The following EPHA6 variants were observed in gnomAD, a reference collection of about 807,000 sequenced individuals.
EPHA6 encodes ephrin type-A receptor 6.
A neutral mutation model predicts 112.0 loss-of-function variants in EPHA6; 50 were observed. The ratio of observed to expected loss-of-function variants is 0.45; its 90% CI spans 0.36 to 0.56. The LOEUF (loss-of-function observed/expected upper bound fraction) is 0.56, where lower values mean the gene tolerates loss of function less well. Among genes scored for constraint, EPHA6 ranks in the 20% least tolerant of loss-of-function variants. The pLI is 0.00. For missense variants in EPHA6, 1,280 were observed against 1,417.4 expected (o/e 0.90, Z 1.56); for synonymous variants, 529 against 490.7 (o/e 1.08, Z -1.03).
chr3:97,183,921 T>TA (rs1315372399), intron 3 of EPHA6, among the ~76,000 whole-genome samples: 1 of 152,152 alleles, frequency 6.6e-6, no homozygotes, highest in African/African-American at 2.4e-5. Flanking sequence ...AGTTCTGTGT[T>TA]ACACTTTAAA....
intron 1 of EPHA6, among the ~76,000 whole-genome samples, chr3:96,862,995 T>C (rs942569778): frequency 2.6e-5 from 4 of 152,016 alleles, no homozygotes; most frequent in Non-Finnish European, 5.9e-5. Flanking sequence ...GAAAATTGTA[T>C]GCAGTTACAC....
At chr3:97,682,568 T>G (rs535627931) in intron 14 of EPHA6, among the ~76,000 whole-genome samples, 1 of 152,268 alleles carries the variant, frequency 6.6e-6, no homozygotes, top group Non-Finnish European at 1.5e-5. Flanking sequence ...TAGACTATGA[T>G]CCCTCATTGC....
At chr3:97,602,620 T>G (rs781229014) in intron 12 of EPHA6, among the ~76,000 whole-genome samples, 4 of 152,060 alleles carry the variant, frequency 2.6e-5, no homozygotes, top group Non-Finnish European at 4.4e-5. Flanking sequence ...ATCAGTAACC[T>G]TACCTGTTAA....
chr3:97,130,492 G>A (rs2048308963), intron 3 of EPHA6, among the ~76,000 whole-genome samples: 1 of 151,846 alleles, frequency 6.6e-6, no homozygotes, highest in Admixed American at 6.6e-5. Context: ...AATATTTCTA[G>A]TTGACACATT....
At chr3:97,383,754 G>A (rs1215327360) in intron 5 of EPHA6, among the ~76,000 whole-genome samples, 1 of 152,116 alleles carries the variant, frequency 6.6e-6, no homozygotes, top group African/African-American at 2.4e-5. Context: ...CACATAGGAA[G>A]TAAAGTAGAA....
intron 6 of EPHA6, among the ~76,000 whole-genome samples, chr3:97,439,136 A>G (rs977641513): frequency 1.3e-5 from 2 of 152,152 alleles, no homozygotes; most frequent in East Asian, 3.9e-4. Flanking sequence ...AATGCATTAA[A>G]TATTCATTTT....
At chr3:97,393,044 T>G (rs1009339701) in intron 5 of EPHA6, among the ~76,000 whole-genome samples, 2 of 151,882 alleles carry the variant, frequency 1.3e-5, no homozygotes, top group African/African-American at 2.4e-5. Context: ...TTCTTGATTT[T>G]AATATAAACA....
intron 11 of EPHA6, among the ~76,000 whole-genome samples, chr3:97,565,846 G>A (rs540393795): frequency 1.1e-4 from 17 of 151,682 alleles, no homozygotes; most frequent in South Asian, 1.0e-3. Context: ...GTGAAACCCC[G>A]TCTCTACTAA....
chr3:97,026,361 A>G (rs2044637907), intron 3 of EPHA6, among the ~76,000 whole-genome samples: 1 of 152,162 alleles, frequency 6.6e-6, no homozygotes, highest in Admixed American at 6.5e-5. Context: ...TGCTTTGGGC[A>G]ATATGGCCGT....
intron 10 of EPHA6, among the ~76,000 whole-genome samples, chr3:97,486,251 T>C (rs1310414155): frequency 1.3e-5 from 2 of 152,230 alleles, no homozygotes; most frequent in Admixed American, 1.3e-4. Context: ...TTATTCATCT[T>C]TGATTGTTTC....
At chr3:96,869,536 T>C (rs1284422338) in intron 2 of EPHA6, among the ~76,000 whole-genome samples, 3 of 151,974 alleles carry the variant, frequency 2.0e-5, no homozygotes, top group African/African-American at 7.2e-5. Context: ...GCAGTGGAAA[T>C]AATCATTTGG....
rs1032227205 is a variant in EPHA6, at chr3:96,960,503, T to C, written c.451-26827T>C. On this transcript the variant is annotated intron_variant, in intron 2 of 17. Coordinates refer to ENST00000389672, the MANE Select transcript of EPHA6 (RefSeq NM_001080448.3). ...TAAACCTCATCATTTCTACTGAAAC[T>C]AGGGAACGATTTTATAAGCAGATCC... 3.9e-5 allele frequency among the ~76,000 whole-genome samples: 6 copies of C among 152,146 alleles called. No homozygotes were observed. The East Asian group carries it at 1.2e-3, about 29-fold the overall frequency.
intron 3 of EPHA6, among the ~76,000 whole-genome samples, chr3:97,067,498 T>G (rs1322629172): frequency 6.6e-6 from 1 of 151,866 alleles, no homozygotes; most frequent in Non-Finnish European, 1.5e-5. Flanking sequence ...GAATCTAGGC[T>G]ATTATGGAAG....
chr3:96,910,597 C>CT (rs2039166166), intron 2 of EPHA6, among the ~76,000 whole-genome samples: 1 of 152,020 alleles, frequency 6.6e-6, no homozygotes, highest in South Asian at 2.1e-4. Flanking sequence ...ACTGTTCTGG[C>CT]TTTTTTCCTA....
chr3:97,369,492 C>T (rs1253579131), intron 5 of EPHA6, among the ~76,000 whole-genome samples: 1 of 152,064 alleles, frequency 6.6e-6, no homozygotes, highest in African/African-American at 2.4e-5. Context: ...TAGTTAATTC[C>T]AAATTTTCGA....
chr3:97,635,705 G>A (rs1243526304), intron 13 of EPHA6, among the ~76,000 whole-genome samples: 1 of 151,972 alleles, frequency 6.6e-6, no homozygotes, highest in African/African-American at 2.4e-5. Context: ...AGGGGATGAC[G>A]AAAATGTTCT....
rs541847599 is a variant in EPHA6, at chr3:97,606,627, A to C, written c.2513-4166A>C. 1.1e-4 allele frequency among the ~76,000 whole-genome samples: 17 copies of C among 151,448 alleles called. No homozygotes were observed. In the South Asian group the frequency reaches 2.7e-3, roughly 24 times the overall value. On this transcript the variant is annotated intron_variant, in intron 12 of 17. Transcript: ENST00000389672. Reference sequence around the variant, plus strand: ...AGATGTGTTTTGAACGTGATCTGATAATCATCAGGCAACACCATAAGAAGA... The same window carrying C: ...AGATGTGTTTTGAACGTGATCTGATCATCATCAGGCAACACCATAAGAAGA...
intron 11 of EPHA6, among the ~76,000 whole-genome samples, chr3:97,588,575 T>C (rs1243528340): frequency 6.6e-6 from 1 of 152,244 alleles, no homozygotes; most frequent in Admixed American, 6.5e-5. Context: ...AGTTTGTATA[T>C]GTATGTGGGG....
chr3:97,370,379 A>G (rs973404044), intron 5 of EPHA6, among the ~76,000 whole-genome samples: 1 of 152,190 alleles, frequency 6.6e-6, no homozygotes. Context: ...ATTCTTGTAT[A>G]ACATGGAAAA....
Sources: gnomAD v4.1 joint callset for allele counts (sites outside exome capture counted in the v4.1 genomes callset) on GRCh38, gnomAD v4.1.1 for gene constraint, MANE v1.5 for transcripts, NCBI Gene and HGNC (gene_info 2026-07-23, HGNC 2026-07-21) for gene names.